The following CLEC16A variants were observed in gnomAD, a reference collection of about 807,000 sequenced individuals.
CLEC16A encodes C-type lectin domain containing 16A.
A neutral mutation model predicts 109.5 loss-of-function variants in CLEC16A; 51 were observed. The observed-to-expected ratio is 0.47, with a 90% CI of 0.37 to 0.59. CLEC16A has a LOEUF of 0.59. Ranked by LOEUF, CLEC16A falls within the 20% of genes least tolerant of loss-of-function variation. CLEC16A has a pLI of 0.00. For missense variants in CLEC16A, 1,339 were observed against 1,394.0 expected (o/e 0.96, Z 0.63); for synonymous variants, 673 against 564.2 (o/e 1.19, Z -2.73).
chr16:10,964,046 C>T (rs1458656229), intron 3 of CLEC16A, among the ~76,000 whole-genome samples: 3 of 152,218 alleles, frequency 2.0e-5, no homozygotes, highest in Non-Finnish European at 4.4e-5. Context: ...GGACAAGTGG[C>T]CAAATGTCTA....
At chr16:11,083,184 G>A (rs532633737) in intron 19 of CLEC16A, among the ~76,000 whole-genome samples, 23 of 152,206 alleles carry the variant, frequency 1.5e-4, no homozygotes, top group Non-Finnish European at 2.5e-4. Flanking sequence ...GTTGTTTGAG[G>A]CAGGGTCTTG....
intron 13 of CLEC16A, among the ~76,000 whole-genome samples, chr16:11,034,007 C>A (rs1039715424): frequency 6.6e-6 from 1 of 152,182 alleles, no homozygotes; most frequent in African/African-American, 2.4e-5. Flanking sequence ...TCTACTCCTG[C>A]CACTCCATTT....
intron 20 of CLEC16A, among the ~76,000 whole-genome samples, chr16:11,123,532 T>C (rs2052582777): frequency 1.3e-5 from 2 of 152,182 alleles, no homozygotes; most frequent in Admixed American, 6.5e-5. Context: ...TGGGGTACTC[T>C]GTGCCTCCTC....
At position 10,969,293 on chromosome 16, in the gene CLEC16A, A is replaced by C; in HGVS notation, c.476A>C (p.His159Pro). The change falls in exon 4 of 24, where the codon CAT (histidine) becomes CCT (proline). Residue 159 changes from histidine (H) to proline (P), a missense_variant. His to Pro is a moderately conservative substitution (Grantham distance 77). Around this residue, in one of 3 missense-constraint regions of CLEC16A, gnomAD observed 161 missense variants for 267.1 expected, o/e 0.60. Coordinates refer to ENST00000409790, the MANE Select transcript of CLEC16A (RefSeq NM_015226.3). ...TTAAAACTCAACAACCACACTGTCC[A>C]TTTCTTTTATAATGAGGTAAGTAAT... is the stretch of plus-strand genomic sequence containing the variant. ...LSLKLNNHTV[H>P]FFYNEHTNDF... 6.2e-7 allele frequency: 1 copy of C among 1,605,406 alleles called. No individual in the cohort carries two copies. Among genetic ancestry groups the C allele is most frequent in the Non-Finnish European group, 8.5e-7 (1 of 1,177,144 alleles).
At chr16:11,176,852 C>T (rs138226403) in intron 23 of CLEC16A, among the ~76,000 whole-genome samples, 10 of 152,330 alleles carry the variant, frequency 6.6e-5, no homozygotes, top group African/African-American at 2.2e-4. Context: ...CTCGTGCTTT[C>T]GCTCCGTGAT....
chr16:11,115,893 T>A (rs1264567214), intron 19 of CLEC16A, among the ~76,000 whole-genome samples: 1 of 151,510 alleles, frequency 6.6e-6, no homozygotes, highest in African/African-American at 2.4e-5. Context: ...ATATTATAAA[T>A]TTTTTTAAAG....
intron 11 of CLEC16A, among the ~76,000 whole-genome samples, chr16:11,004,769 G>A (rs770727416): frequency 3.3e-5 from 5 of 152,144 alleles, no homozygotes; most frequent in East Asian, 3.9e-4. Context: ...TGGTGCCACC[G>A]AGACCTCTTT....
intron 13 of CLEC16A, among the ~76,000 whole-genome samples, chr16:11,026,169 G>T (rs547311460): frequency 1.3e-5 from 2 of 152,264 alleles, no homozygotes; most frequent in Non-Finnish European, 2.9e-5. Context: ...TGCTATCAGG[G>T]TTATGCTCAC....
At chr16:11,094,447 C>CT (rs1478894124) in intron 19 of CLEC16A, among the ~76,000 whole-genome samples, 1 of 152,228 alleles carries the variant, frequency 6.6e-6, no homozygotes, top group Non-Finnish European at 1.5e-5. Flanking sequence ...GCTCTTGTGG[C>CT]TTAACGGGCC....
chr16:11,040,548 T>G (rs1338217360), intron 14 of CLEC16A: 1 of 138,982 alleles, frequency 7.2e-6, no homozygotes, highest in Admixed American at 7.7e-5. Flanking sequence ...AGTCTCGCAC[T>G]GTCACCTGGG....
At chr16:11,110,066 G>T (rs149146376) in intron 19 of CLEC16A, among the ~76,000 whole-genome samples, 2 of 152,172 alleles carry the variant, frequency 1.3e-5, no homozygotes. Flanking sequence ...CCCATTTATC[G>T]CTCAGTAATG....
chr16:10,969,806 C>T (rs2042694680), intron 4 of CLEC16A, among the ~76,000 whole-genome samples: 2 of 152,192 alleles, frequency 1.3e-5, no homozygotes, highest in African/African-American at 4.8e-5. Flanking sequence ...GCTGTGTCAC[C>T]TTAAGGAAGT....
At chr16:11,136,409 A>C (rs2153058217) in intron 22 of CLEC16A, 1 of 152,368 alleles carries the variant, frequency 6.6e-6, no homozygotes, top group East Asian at 1.9e-4. Context: ...AGTGCCCAGA[A>C]CAATGCCTGA....
chr16:10,944,679 A>G lies in CLEC16A; in HGVS notation c.-39A>G, dbSNP rs1299256131. 4 of 1,574,848 alleles carry G rather than the reference A, an allele frequency of 2.5e-6. No individual in the cohort carries two copies. Among genetic ancestry groups the G allele is most frequent in the Non-Finnish European group, 3.5e-6 (4 of 1,157,296 alleles). ...CGCTGGGCCGCTCTGCTGGTCCGGCATGAGACCGTGAGACGAGAGACGGGT... is the reference window on the plus strand; with the variant it reads ...CGCTGGGCCGCTCTGCTGGTCCGGCGTGAGACCGTGAGACGAGAGACGGGT... On this transcript the variant is annotated 5_prime_UTR_variant, in exon 1 of 24. The change abolishes an upstream ATG in the 5' untranslated region. Transcript: ENST00000409790.
intron 18 of CLEC16A, 69 bp from the exon 19 acceptor site, chr16:11,060,833 G>C: frequency 2.1e-6 from 3 of 1,411,472 alleles, no homozygotes; most frequent in Non-Finnish European, 2.8e-6. Context: ...GTCATTTCTG[G>C]GTGTGGGGCA....
chr16:11,022,461 TG>T (rs2046167074), intron 12 of CLEC16A, among the ~76,000 whole-genome samples: 1 of 142,290 alleles, frequency 7.0e-6, no homozygotes, highest in Non-Finnish European at 1.5e-5. Context: ...AGGCAGGGAG[TG>T]GGAAGGAAGG....
At chr16:11,171,123 A>C (rs567515651) in intron 23 of CLEC16A, among the ~76,000 whole-genome samples, 1 of 152,302 alleles carries the variant, frequency 6.6e-6, no homozygotes, top group East Asian at 1.9e-4. Flanking sequence ...GGGGGAGGAC[A>C]CTTTTGAGGA....
At chr16:11,086,424 C>A (rs2050011492) in intron 19 of CLEC16A, among the ~76,000 whole-genome samples, 2 of 152,256 alleles carry the variant, frequency 1.3e-5, no homozygotes, top group African/African-American at 4.8e-5. Flanking sequence ...GTTGTTTTAA[C>A]AGTGCTTTGC....
chr16:11,022,128 A>C lies in CLEC16A; in HGVS notation c.1436+1803A>C, dbSNP rs890915093. Among the ~76,000 whole-genome samples the C allele has an allele frequency of 2.0e-5, 3 of 152,022 alleles. No homozygotes were observed. The East Asian group carries it at 5.8e-4, about 29-fold the overall frequency. ...AATGGAAGCTGATTCAGTTGCCTTG[A>C]GTTAGGCCGCATGCAGTCCTGGGAA... is the stretch of plus-strand genomic sequence containing the variant. On this transcript the variant is annotated intron_variant, in intron 12 of 23. Transcript: ENST00000409790.
Sources: gnomAD v4.1 joint callset for allele counts (sites outside exome capture counted in the v4.1 genomes callset) on GRCh38, gnomAD v4.1.1 for gene constraint, gnomAD v4.1.1 regional missense constraint, MANE v1.5 for transcripts, NCBI Gene and HGNC (gene_info 2026-07-23, HGNC 2026-07-21) for gene names.